KIF9: variants seen among roughly 807,000 people sequenced by gnomAD.
KIF9 encodes kinesin family member 9.
KIF9 carries 68 observed loss-of-function variants against 94.8 expected under a neutral mutation model. That is an observed-to-expected ratio of 0.72 (90% CI 0.59 to 0.88). The LOEUF is 0.88. KIF9 is among the 40% of genes least tolerant of loss of function. The probability of loss-of-function intolerance (pLI) is 0.00; values close to 1 mark genes in which losing one functional copy is unlikely to be tolerated. For synonymous variants in KIF9, 343 were observed against 362.1 expected (o/e 0.95, Z 0.60); for missense variants, 882 against 982.5 (o/e 0.90, Z 1.37).
At chr3:47,261,900 A>C (rs1184813662) in intron 9 of KIF9, among the ~76,000 whole-genome samples, 3 of 152,222 alleles carry the variant, frequency 2.0e-5, no homozygotes, top group Admixed American at 2.0e-4. Flanking sequence ...TACTCAGCAC[A>C]CATGTACAGT....
chr3:47,257,369 G>A, intron 10 of KIF9, 114 bp downstream of exon 10: 4 of 893,360 alleles, frequency 4.5e-6, no homozygotes, highest in Non-Finnish European at 7.2e-6. Flanking sequence ...CTGACCCAGG[G>A]CTGCATGGGG....
At chr3:47,256,581 G>A (rs545437208) in intron 10 of KIF9, among the ~76,000 whole-genome samples, 3 of 149,844 alleles carry the variant, frequency 2.0e-5, no homozygotes, top group Admixed American at 1.3e-4. Flanking sequence ...GCCTCTGCCC[G>A]GCCGCCCCTG....
intron 17 of KIF9, among the ~76,000 whole-genome samples, chr3:47,240,437 A>G (rs936880614): frequency 8.5e-5 from 13 of 152,108 alleles, no homozygotes; most frequent in African/African-American, 2.7e-4. Context: ...CAGTGAGGAA[A>G]CCACACAGAG....
At chr3:47,234,092 C>CA (rs1268658256) in intron 20 of KIF9, among the ~76,000 whole-genome samples, 1 of 150,400 alleles carries the variant, frequency 6.6e-6, no homozygotes, top group Non-Finnish European at 1.5e-5. Context: ...CCACCCCCCC[C>CA]AAAAAAAAGA....
At chr3:47,282,298 T>G in intron 1 of KIF9, 197 bp downstream of exon 1, 1 of 985,558 alleles carries the variant, frequency 1.0e-6, no homozygotes, top group Non-Finnish European at 1.2e-6. Context: ...GAACATTAGC[T>G]CCGAAGACCG....
chr3:47,247,026 C>G (rs1699968999), intron 12 of KIF9, among the ~76,000 whole-genome samples: 2 of 152,200 alleles, frequency 1.3e-5, no homozygotes, highest in South Asian at 4.1e-4. Flanking sequence ...ATTCTGCGGA[C>G]ACAGTCAAGC....
chr3:47,274,669 A>T (rs868598023), intron 3 of KIF9, among the ~76,000 whole-genome samples: 1 of 152,186 alleles, frequency 6.6e-6, no homozygotes, highest in Non-Finnish European at 1.5e-5. Flanking sequence ...GCTCAAGACT[A>T]TTCATCTCCC....
At position 47,247,439 on chromosome 3, in the gene KIF9, T is replaced by G; in HGVS notation, c.1167A>C (p.Glu389Asp). ...GGGAGTTGATCTCAGCAATCTGGATTTCATCCATGGGGTCATAGGTCACAA... is the reference window on the plus strand; with the variant it reads ...GGGAGTTGATCTCAGCAATCTGGATGTCATCCATGGGGTCATAGGTCACAA... The part of the protein sequence containing the change: ...RTFVTYDPMD[E>D]IQIAEINSQV... The change falls in exon 12 of 21, where the codon GAA (glutamate) becomes GAC (aspartate). Residue 389 changes from glutamate to aspartate, a missense_variant. Glu to Asp is a conservative substitution (Grantham distance 45). Transcript: ENST00000684063. 1 of 1,613,940 alleles carries G rather than the reference T, an allele frequency of 6.2e-7. No homozygotes were observed. Among genetic ancestry groups the G allele is most frequent in the Non-Finnish European group, 8.5e-7 (1 of 1,179,816 alleles).
chr3:47,238,638 T>C (rs549961063), intron 17 of KIF9: 4 of 138,158 alleles, frequency 2.9e-5, no homozygotes, highest in Admixed American at 8.6e-5. Context: ...AAAAATGGGG[T>C]TTTTTTTTTA....
chr3:47,249,131 C>G (rs958996999), intron 10 of KIF9, among the ~76,000 whole-genome samples: 1 of 149,484 alleles, frequency 6.7e-6, no homozygotes, highest in Non-Finnish European at 1.5e-5. Flanking sequence ...CAATAATAAT[C>G]ATGTATGTCA....
In KIF9 at chr3:47,228,648, G is replaced by A. The variant is rs1190138902; in HGVS notation, c.*4C>T. ...TTGTCCTTTAAGGTACTGGCGATGA[G>A]GTTCTATTTTCTATGTGCCTGCTGG... On this transcript the variant is annotated 3_prime_UTR_variant, in exon 21 of 21. Coordinates refer to ENST00000684063, the MANE Select transcript of KIF9 (RefSeq NM_182902.4). 6 of 1,612,630 alleles carry A rather than the reference G, an allele frequency of 3.7e-6. No individual in the cohort carries two copies. In the Admixed American group the frequency reaches 8.3e-5, roughly 22 times the overall value.
At chr3:47,265,489 G>A (rs1406868730) in intron 8 of KIF9, among the ~76,000 whole-genome samples, 1 of 152,190 alleles carries the variant, frequency 6.6e-6, no homozygotes, top group Non-Finnish European at 1.5e-5. Context: ...GAAAAGAGAA[G>A]GTATTCCTAG....
At position 47,236,528 on chromosome 3, in the gene KIF9, G is replaced by T. The variant is rs376957774; in HGVS notation, c.2016C>A (p.Ser672Arg). 1 of 1,613,862 alleles carries T rather than the reference G, an allele frequency of 6.2e-7. No individual in the cohort carries two copies. Among genetic ancestry groups the T allele is most frequent in the Admixed American group, 1.7e-5 (1 of 60,026 alleles). The change falls in exon 18 of 21, where the codon AGC becomes AGA. Residue 672 changes from serine to arginine, a missense_variant. By Grantham distance (110) the Ser-to-Arg change is moderately radical (BLOSUM62 -1). Coordinates refer to ENST00000684063, the MANE Select transcript of KIF9 (RefSeq NM_182902.4). ...TGAGGTCACGCAGGTCCTGGTACTC[G>T]CTGCGGTACTGCTTCTTGAGGTCTT... ...KLKDLKKQYR[S>R]EYQDLRDLRA... is the part of the protein sequence containing the mutation.
chr3:47,266,461 T>C (rs1198872082), intron 7 of KIF9, among the ~76,000 whole-genome samples: 2 of 152,078 alleles, frequency 1.3e-5, no homozygotes, highest in Admixed American at 6.5e-5. Context: ...CTTGGCAACA[T>C]AGCGAGACCC....
intron 10 of KIF9, among the ~76,000 whole-genome samples, chr3:47,248,491 G>A (rs758198119): frequency 2.0e-5 from 3 of 152,010 alleles, no homozygotes; most frequent in Non-Finnish European, 2.9e-5. Flanking sequence ...CGCCCGGGCT[G>A]GAGTGCAATG....
intron 20 of KIF9, among the ~76,000 whole-genome samples, chr3:47,231,015 G>A (rs997975138): frequency 6.6e-6 from 1 of 151,828 alleles, no homozygotes; most frequent in Non-Finnish European, 1.5e-5. Context: ...CTCCAGCCAG[G>A]GTGAAAGAGC....
chr3:47,237,030 G>T (rs1162683702), intron 17 of KIF9, among the ~76,000 whole-genome samples: 2 of 152,214 alleles, frequency 1.3e-5, no homozygotes, highest in African/African-American at 4.8e-5. Context: ...CTTGGGCAAG[G>T]CTCCTTATTA....
At chr3:47,243,012 T>G in intron 16 of KIF9, 39 bp downstream of exon 16, 1 of 1,520,282 alleles carries the variant, frequency 6.6e-7, no homozygotes, top group Non-Finnish European at 9.0e-7. Context: ...ACATATGGTT[T>G]TGTTTGATCT....
chr3:47,228,662 T>C lies in KIF9; in HGVS notation c.2363A>G (p.His788Arg), dbSNP rs751967445. The C allele has an allele frequency of 1.6e-5, 26 of 1,613,906 alleles. No individual in the cohort carries two copies. The highest frequency in any genetic ancestry group is 2.2e-5 in the Non-Finnish European group (26 of 1,179,792). Residue 788 changes from histidine (H) to arginine (R), a missense_variant, in exon 21 of 21, where the codon CAT becomes CGT. Coordinates refer to ENST00000684063, the MANE Select transcript of KIF9 (RefSeq NM_182902.4). ...LKTMMGLQQA[H>R]RK ...ACTGGCGATGAGGTTCTATTTTCTA[T>C]GTGCCTGCTGGAGGCCCATCATGGT... is the stretch of plus-strand genomic sequence containing the variant.
Sources: allele counts gnomAD v4.1 joint callset (sites outside exome capture counted in the v4.1 genomes callset), GRCh38; gene constraint gnomAD v4.1.1; transcripts MANE v1.5; gene names NCBI Gene and HGNC (gene_info 2026-07-23, HGNC 2026-07-21).